The following STAT5A variants were observed in gnomAD, a reference collection of about 807,000 sequenced individuals.
STAT5A encodes epididymis secretory sperm binding protein.
In STAT5A, 26 loss-of-function variants were observed where a neutral mutation model predicts 100.2. The observed-to-expected ratio is 0.26, with a 90% CI of 0.19 to 0.36. The LOEUF is 0.36. Among genes scored for constraint, STAT5A ranks in the 10% least tolerant of loss-of-function variants. STAT5A has a pLI of 1.00. For synonymous variants in STAT5A, 330 were observed against 424.3 expected (o/e 0.78, Z 2.73); for missense variants, 634 against 1,027.5 (o/e 0.62, Z 5.24).
chr17:42,305,657 C>T lies in STAT5A; in HGVS notation c.1428C>T (p.His476=). 6.2e-7 allele frequency: 1 copy of T among 1,614,206 alleles called. No homozygotes were observed. The highest frequency in any genetic ancestry group is 8.5e-7 in the Non-Finnish European group (1 of 1,180,032). Residue 476 remains histidine (H), a synonymous_variant, in exon 12 of 19, where the codon CAC becomes CAT. Transcript: ENST00000590949. The part of the protein sequence containing the change: ...VVVIVHGSQD[H]NATATVLWDN... ...TCATCGTCCACGGCAGCCAGGACCA[C>T]AATGCCACGGCTACTGTGCTGTGGG...
chr17:42,289,699 A>G (rs1280073112), intron 2 of STAT5A, among the ~76,000 whole-genome samples, 160 bp downstream of exon 2: 1 of 152,212 alleles, frequency 6.6e-6, no homozygotes, highest in Non-Finnish European at 1.5e-5. Context: ...CTGGGAGGAC[A>G]GAGAATGTTT....
At chr17:42,287,854 C>G (rs2080827976), upstream of STAT5A, 1 of 152,210 alleles carries the variant, frequency 6.6e-6, no homozygotes, top group Non-Finnish European at 1.5e-5. Context: ...GTTCCTCCGT[C>G]AGGGTTGAGT....
chr17:42,300,541 G>A (rs967539094), intron 7 of STAT5A, among the ~76,000 whole-genome samples, 174 bp from the exon 8 acceptor site: 40 of 152,072 alleles, frequency 2.6e-4, no homozygotes, highest in African/African-American at 7.5e-4. Flanking sequence ...AGTCAGGGTC[G>A]CCCCTCCTGT....
At position 42,298,993 on chromosome 17, in the gene STAT5A, C is replaced by T. The variant is rs568948247; in HGVS notation, c.551-758C>T. On this transcript the variant is annotated intron_variant, in intron 5 of 18. Transcript: ENST00000590949. ...TATCTGTCTGTCTCCCCTGGTTGGTCGGCTGGGCTCACAGTGAGCCCACCT... is the reference window on the plus strand; with the variant it reads ...TATCTGTCTGTCTCCCCTGGTTGGTTGGCTGGGCTCACAGTGAGCCCACCT... 1.1e-3 allele frequency among the ~76,000 whole-genome samples: 162 copies of T among 151,916 alleles called. 4 individuals carry two copies. The South Asian group carries it at 0.017, about 16-fold the overall frequency.
At chr17:42,293,485 A>T (rs1245806711) in intron 4 of STAT5A, among the ~76,000 whole-genome samples, 1 of 152,094 alleles carries the variant, frequency 6.6e-6, no homozygotes, top group African/African-American at 2.4e-5. Context: ...GATTACAGGC[A>T]TGAGCCACCA....
chr17:42,298,873 G>C (rs6503693), intron 5 of STAT5A, among the ~76,000 whole-genome samples: 1 of 152,038 alleles, frequency 6.6e-6, no homozygotes, highest in South Asian at 2.1e-4. Context: ...TGGTGTGGAG[G>C]GAAGCCGCCT....
At chr17:42,289,355 C>T (rs2144487548) in intron 1 of STAT5A, 47 bp from the exon 2 acceptor site, 1 of 1,528,724 alleles carries the variant, frequency 6.5e-7, no homozygotes, top group Non-Finnish European at 8.8e-7. Context: ...AGGCCCGGTT[C>T]CTTGGCCTCT....
chr17:42,291,388 C>T (rs1033777967), intron 3 of STAT5A, among the ~76,000 whole-genome samples: 1 of 152,136 alleles, frequency 6.6e-6, no homozygotes, highest in Non-Finnish European at 1.5e-5. Context: ...GGTTTGGGAC[C>T]CCTGTGTTAC....
intron 3 of STAT5A, among the ~76,000 whole-genome samples, chr17:42,291,514 C>T (rs546605252): frequency 3.6e-4 from 55 of 152,052 alleles, no homozygotes; most frequent in South Asian, 1.2e-3. Flanking sequence ...GTCGGGAGTT[C>T]GAGACCAGCC....
intron 18 of STAT5A, 24 bp downstream of exon 18, chr17:42,309,508 C>G: frequency 6.2e-7 from 1 of 1,609,510 alleles, no homozygotes. Flanking sequence ...TCATGGGGTC[C>G]GCAGGGGAAG....
At chr17:42,307,771 G>A (rs1403000351) in intron 15 of STAT5A, 48 bp downstream of exon 15, 1 of 1,594,726 alleles carries the variant, frequency 6.3e-7, no homozygotes, top group African/African-American at 1.3e-5. Context: ...CCGGTCTCTT[G>A]TTCCCTTGCC....
chr17:42,309,502 G>A lies in STAT5A; in HGVS notation c.2222+18G>A, dbSNP rs1339569612. 6.2e-7 allele frequency: 1 copy of A among 1,610,204 alleles called. No individual in the cohort carries two copies. The highest frequency in any genetic ancestry group is 8.5e-7 in the Non-Finnish European group (1 of 1,177,570). ...CCACAGAAGTAGGTGGTGTTCTCAT[G>A]GGGTCCGCAGGGGAAGAACTGGGGA... On this transcript the variant is annotated intron_variant, in intron 18 of 18. Coordinates refer to ENST00000590949, the MANE Select transcript of STAT5A (RefSeq NM_001288718.2).
At position 42,304,149 on chromosome 17, in the gene STAT5A, G is replaced by C. The variant is rs1486769472; in HGVS notation, c.1170-193G>C. ...TCCAGACCTCACCACTGGAGACCTTGCCTTGGGTGCTGGGCACCAGGTTGA... is the reference window on the plus strand; with the variant it reads ...TCCAGACCTCACCACTGGAGACCTTCCCTTGGGTGCTGGGCACCAGGTTGA... On this transcript the variant is annotated intron_variant, in intron 9 of 18. Coordinates refer to ENST00000590949, the MANE Select transcript of STAT5A (RefSeq NM_001288718.2). The surrounding 1 kb of genome is among the most constrained non-coding windows in gnomAD (Gnocchi z 4.8). 1 of 597,560 alleles carries C rather than the reference G, an allele frequency of 1.7e-6. No homozygotes were observed. The highest frequency in any genetic ancestry group is 2.0e-5 in the South Asian group (1 of 48,796). 37.0% of individuals were successfully genotyped at this position (597,560 alleles called of 1,614,324 possible).
chr17:42,295,467 G>C, intron 4 of STAT5A, 152 bp from the exon 5 acceptor site: 1 of 780,124 alleles, frequency 1.3e-6, no homozygotes, highest in Non-Finnish European at 2.0e-6. Context: ...GACTCCTTCT[G>C]ATGCAAATGA....
chr17:42,306,043 G>A (rs1293244253), intron 12 of STAT5A, 198 bp from the exon 13 acceptor site: 24 of 900,052 alleles, frequency 2.7e-5, no homozygotes, highest in Non-Finnish European at 3.9e-5. Flanking sequence ...CCCCTGCATC[G>A]GTTTTCTTCC....
chr17:42,310,440 C>G, intron 18 of STAT5A, 67 bp from the exon 19 acceptor site: 1 of 1,566,268 alleles, frequency 6.4e-7, no homozygotes, highest in Non-Finnish European at 8.8e-7. Context: ...AGGCTGGAGG[C>G]TGTCCCCAGG....
chr17:42,305,557 G>A (rs774605541), intron 11 of STAT5A, 53 bp from the exon 12 acceptor site: 5 of 1,476,404 alleles, frequency 3.4e-6, no homozygotes, highest in Non-Finnish European at 4.7e-6. Flanking sequence ...TGCCTAAGCA[G>A]AGGGCACGTG....
chr17:42,289,379 C>G (rs760244186), intron 1 of STAT5A, 23 bp from the exon 2 acceptor site: 25 of 1,589,060 alleles, frequency 1.6e-5, no homozygotes, highest in Non-Finnish European at 2.1e-5. Context: ...GAGGAGAGCG[C>G]TTCAGCGCTC....
chr17:42,299,994 T>C (rs995087540), intron 6 of STAT5A, 113 bp downstream of exon 6: 45 of 1,272,272 alleles, frequency 3.5e-5, no homozygotes, highest in Admixed American at 4.7e-5. Flanking sequence ...GCAGGAGGCC[T>C]TTTTTCCTGG....
Sources: gnomAD v4.1 joint callset for allele counts (sites outside exome capture counted in the v4.1 genomes callset) on GRCh38, gnomAD v4.1.1 for gene constraint, Gnocchi (gnomAD v3.1) non-coding constraint, MANE v1.5 for transcripts, NCBI Gene and HGNC (gene_info 2026-07-23, HGNC 2026-07-21) for gene names.